The following COL12A1 variants were observed in gnomAD, a reference collection of about 807,000 sequenced individuals.
COL12A1 encodes collagen alpha-1(XII) chain.
A neutral mutation model predicts 349.7 loss-of-function variants in COL12A1; 114 were observed. The observed-to-expected ratio is 0.33, with a 90% CI of 0.28 to 0.38. COL12A1 has a LOEUF of 0.38. COL12A1 is among the 10% of genes least tolerant of loss of function. The pLI is 1.00. For missense variants in COL12A1, 3,284 were observed against 3,756.9 expected, an observed-to-expected ratio of 0.87 and a Z score of 3.29; for synonymous variants, 1,369 against 1,329.0, an observed-to-expected ratio of 1.03 and a Z score of -0.66.
intron 14 of COL12A1, among the ~76,000 whole-genome samples, chr6:75,161,385 T>C (rs1768018617): frequency 2.0e-5 from 3 of 152,236 alleles, no homozygotes; most frequent in Non-Finnish European, 4.4e-5. Flanking sequence ...ATTGTTGTAT[T>C]GTTATTTCTT....
At chr6:75,145,562 T>C in intron 24 of COL12A1, 107 bp from the exon 25 acceptor site, 9 of 1,085,662 alleles carry the variant, frequency 8.3e-6, no homozygotes, top group Non-Finnish European at 1.1e-5. Flanking sequence ...TAATACAGCT[T>C]GTATTTTTCA....
At chr6:75,169,265 G>A (rs1768496298) in intron 13 of COL12A1, among the ~76,000 whole-genome samples, 1 of 152,132 alleles carries the variant, frequency 6.6e-6, no homozygotes, top group African/African-American at 2.4e-5. Context: ...ACTTGCTTTG[G>A]TTTAGTTTCA....
intron 2 of COL12A1, among the ~76,000 whole-genome samples, chr6:75,199,768 A>C (rs1045297462): frequency 2.6e-5 from 4 of 152,220 alleles, no homozygotes; most frequent in Non-Finnish European, 5.9e-5. Context: ...TGAAGTGAAA[A>C]AATCATTTCC....
intron 26 of COL12A1, 67 bp downstream of exon 26, chr6:75,143,185 T>A: frequency 6.4e-7 from 1 of 1,571,358 alleles, no homozygotes; most frequent in Non-Finnish European, 8.7e-7. Flanking sequence ...CCATACTTGA[T>A]AAAGTTCTTT....
intron 13 of COL12A1, 78 bp downstream of exon 13, chr6:75,174,960 T>G: frequency 1.3e-6 from 2 of 1,491,912 alleles, no homozygotes; most frequent in Non-Finnish European, 1.8e-6. Flanking sequence ...AGATTCATTG[T>G]CTGAAGACAT....
chr6:75,159,900 T>C (rs1767950321), intron 14 of COL12A1, among the ~76,000 whole-genome samples: 1 of 152,090 alleles, frequency 6.6e-6, no homozygotes, highest in African/African-American at 2.4e-5. Context: ...TTTAAACATG[T>C]TAATAACAGC....
At chr6:75,150,774 A>G (rs968957227) in intron 21 of COL12A1, among the ~76,000 whole-genome samples, 19 of 152,094 alleles carry the variant, frequency 1.2e-4, no homozygotes, top group Non-Finnish European at 4.4e-5. Flanking sequence ...ACCCCTTCCC[A>G]TTTATATATA....
At position 75,140,506 on chromosome 6, in the gene COL12A1, A is replaced by G. The variant is rs543444564; in HGVS notation, c.4957+1526T>C. 4.6e-5 allele frequency among the ~76,000 whole-genome samples: 7 copies of G among 152,076 alleles called. No homozygotes were observed. In the East Asian group the frequency reaches 1.4e-3, roughly 29 times the overall value. ...CCCGTCTCTACTAAAAACACAAAAA[A>G]TTAGCCGGGCATTGTGGTCGGCACC... On this transcript the variant is annotated intron_variant, in intron 27 of 65. Transcript: ENST00000322507.
At chr6:75,194,751 T>C (rs1257248094) in intron 3 of COL12A1, 80 bp downstream of exon 3, 3 of 870,324 alleles carry the variant, frequency 3.4e-6, no homozygotes, top group Non-Finnish European at 5.3e-6. Context: ...AGCTTCTTCA[T>C]GATGAAAGGG....
At chr6:75,172,813 C>T (rs1768705097) in intron 13 of COL12A1, among the ~76,000 whole-genome samples, 1 of 152,162 alleles carries the variant, frequency 6.6e-6, no homozygotes. Context: ...TGAAGGTCCA[C>T]TTATATGCAG....
At chr6:75,199,578 G>A (rs1191697418) in intron 2 of COL12A1, among the ~76,000 whole-genome samples, 1 of 152,086 alleles carries the variant, frequency 6.6e-6, no homozygotes, top group Non-Finnish European at 1.5e-5. Flanking sequence ...AGTTCTCAGG[G>A]AATACTGACC....
intron 3 of COL12A1, among the ~76,000 whole-genome samples, chr6:75,193,806 T>A (rs1395990524): frequency 6.7e-6 from 1 of 148,900 alleles, no homozygotes; most frequent in Non-Finnish European, 1.5e-5. Flanking sequence ...AATTCCCACC[T>A]ATGAGTGAGA....
intron 55 of COL12A1, among the ~76,000 whole-genome samples, chr6:75,103,016 A>C (rs1376975756): frequency 6.6e-6 from 1 of 152,170 alleles, no homozygotes; most frequent in Non-Finnish European, 1.5e-5. Context: ...GTTTCACTGG[A>C]TTTGATTTAT....
intron 54 of COL12A1, among the ~76,000 whole-genome samples, chr6:75,104,553 A>G (rs183308882): frequency 1.3e-5 from 2 of 152,300 alleles, no homozygotes; most frequent in East Asian, 1.9e-4. Context: ...GATTAGAGCT[A>G]TCCTCAAAAC....
chr6:75,119,010 T>C (rs1225508775), intron 46 of COL12A1, 33 bp downstream of exon 46: 1 of 1,610,820 alleles, frequency 6.2e-7, no homozygotes, highest in African/African-American at 1.3e-5. Context: ...ATGTTAAAAT[T>C]TCAAGTGCAA....
chr6:75,186,914 T>C (rs1260119118), intron 8 of COL12A1, among the ~76,000 whole-genome samples: 1 of 151,934 alleles, frequency 6.6e-6, no homozygotes, highest in Non-Finnish European at 1.5e-5. Flanking sequence ...GGGGGCTAAA[T>C]GATGAGAACA....
chr6:75,085,293 C>A lies in COL12A1; in HGVS notation c.*1254G>T, dbSNP rs1767431292. 6.4e-6 allele frequency: 3 copies of A among 471,016 alleles called. No homozygotes were observed. Among genetic ancestry groups the A allele is most frequent in the African/African-American group, 4.0e-5 (2 of 50,090 alleles). The allele number at this position is 471,016 out of a possible 1,614,324, so 29.2% of individuals were successfully genotyped here. A position where few individuals can be genotyped will look rare whatever the true frequency, so the allele number is the denominator to read the frequency against. ...GCCGTAGTCCTCGTATTCCGCTGTCCGCTCGGGCTCCACCGGCACGATGAA... is the reference window on the plus strand; with the variant it reads ...GCCGTAGTCCTCGTATTCCGCTGTCAGCTCGGGCTCCACCGGCACGATGAA... On this transcript the variant is annotated 3_prime_UTR_variant, in exon 66 of 66. Coordinates refer to ENST00000322507, the MANE Select transcript of COL12A1 (RefSeq NM_004370.6).
At position 75,138,858 on chromosome 6, in the gene COL12A1, T is replaced by A. The variant is rs1254204456; in HGVS notation, c.5061A>T (p.Ile1687=). The change falls in exon 28 of 66, where the codon ATA becomes ATT. Residue 1687 remains isoleucine (I), a synonymous_variant. Transcript: ENST00000322507. Reference sequence around the variant, plus strand: ...CTGAGCTTCCAAAAGGTGCCCAAGTTATTCTGTAGAGAGACACATCTGAAG... The same window carrying A: ...CTGAGCTTCCAAAAGGTGCCCAAGTAATTCTGTAGAGAGACACATCTGAAG... ...HGASDVSLYR[I]TWAPFGSSDK... 6 of 1,614,094 alleles carry A rather than the reference T, an allele frequency of 3.7e-6. No homozygotes were observed. Among genetic ancestry groups the A allele is most frequent in the Non-Finnish European group, 5.1e-6 (6 of 1,179,966 alleles).
At chr6:75,118,523 A>G (rs138953682) in intron 46 of COL12A1, among the ~76,000 whole-genome samples, 40 of 152,328 alleles carry the variant, frequency 2.6e-4, no homozygotes, top group Middle Eastern at 3.4e-3. Context: ...ATCTTAAATA[A>G]CTAATCCAAA....
Sources: allele counts gnomAD v4.1 joint callset (sites outside exome capture counted in the v4.1 genomes callset), GRCh38; gene constraint gnomAD v4.1.1; transcripts MANE v1.5; gene names NCBI Gene and HGNC (gene_info 2026-07-23, HGNC 2026-07-21).